Variants in CPNE8 observed in about 807,000 individuals in gnomAD.
CPNE8 encodes copine-8.
In CPNE8, 45 loss-of-function variants were observed where a neutral mutation model predicts 81.5. The observed-to-expected ratio is 0.55, with a 90% CI of 0.44 to 0.71. CPNE8 has a LOEUF of 0.71. CPNE8 is among the 30% of genes least tolerant of loss of function. The probability of loss-of-function intolerance (pLI) is 0.00; values close to 1 mark genes in which losing one functional copy is unlikely to be tolerated. For missense variants in CPNE8, 594 were observed against 672.1 expected (o/e 0.88, Z 1.28); for synonymous variants, 252 against 226.3 (o/e 1.11, Z -1.02).
At chr12:38,717,163 A>G (rs982565122) in intron 13 of CPNE8, among the ~76,000 whole-genome samples, 2 of 152,074 alleles carry the variant, frequency 1.3e-5, no homozygotes, top group African/African-American at 4.8e-5. Context: ...GATGTGGTGA[A>G]AAAGGAACAC....
intron 6 of CPNE8, among the ~76,000 whole-genome samples, chr12:38,817,498 T>C (rs11169666): frequency 0.29 from 43,850 of 151,942 alleles, 8,214 homozygotes; most frequent in Non-Finnish European, 0.41. Flanking sequence ...GAATGGGTGT[T>C]CCCTGGGAGC....
chr12:38,814,006 G>A (rs935544792), intron 6 of CPNE8, among the ~76,000 whole-genome samples: 6 of 152,152 alleles, frequency 3.9e-5, no homozygotes, highest in African/African-American at 1.4e-4. Flanking sequence ...CATGAAGAAT[G>A]AGTTGAAGAG....
chr12:38,866,993 G>A (rs973320467), intron 3 of CPNE8, among the ~76,000 whole-genome samples: 1 of 152,098 alleles, frequency 6.6e-6, no homozygotes, highest in Non-Finnish European at 1.5e-5. Context: ...TGAGTAGCTA[G>A]AATTACAGGT....
chr12:38,716,714 T>C (rs972925948), intron 13 of CPNE8, among the ~76,000 whole-genome samples: 3 of 151,970 alleles, frequency 2.0e-5, no homozygotes, highest in African/African-American at 4.8e-5. Flanking sequence ...AAAAACTCTC[T>C]GGACATTGGC....
At chr12:38,806,560 T>G (rs1047087881) in intron 6 of CPNE8, among the ~76,000 whole-genome samples, 2 of 149,922 alleles carry the variant, frequency 1.3e-5, no homozygotes, top group Non-Finnish European at 3.0e-5. Context: ...CAACCCTTCA[T>G]GCTAAAAACT....
chr12:38,750,798 C>A lies in CPNE8; in HGVS notation c.722+10049G>T, dbSNP rs1321021177. Among the ~76,000 whole-genome samples, 3 of 152,226 alleles carry A rather than the reference C, an allele frequency of 2.0e-5. No homozygotes were observed. In the East Asian group the frequency reaches 5.8e-4, roughly 29 times the overall value. On this transcript the variant is annotated intron_variant, in intron 10 of 19. Transcript: ENST00000331366. Reference sequence around the variant, plus strand: ...TGGACTGTGGACTTTTGAGTTAATGCTGAAATGAGTGAAGACTTTGGGGGA... The same window carrying A: ...TGGACTGTGGACTTTTGAGTTAATGATGAAATGAGTGAAGACTTTGGGGGA...
chr12:38,881,796 G>C (rs1464958529), intron 1 of CPNE8, among the ~76,000 whole-genome samples: 2 of 152,152 alleles, frequency 1.3e-5, no homozygotes, highest in Non-Finnish European at 2.9e-5. Context: ...CTACGGGTTT[G>C]AAGTAATGGA....
At chr12:38,678,832 A>G (rs1939347779) in intron 16 of CPNE8, among the ~76,000 whole-genome samples, 1 of 151,904 alleles carries the variant, frequency 6.6e-6, no homozygotes, top group South Asian at 2.1e-4. Context: ...AACAGGTTCC[A>G]CAATGTACTA....
At chr12:38,877,415 A>G (rs1944083042) in intron 1 of CPNE8, among the ~76,000 whole-genome samples, 1 of 151,980 alleles carries the variant, frequency 6.6e-6, no homozygotes, top group Non-Finnish European at 1.5e-5. Flanking sequence ...TCTTCCCTCC[A>G]TGGACTTGTC....
intron 6 of CPNE8, among the ~76,000 whole-genome samples, chr12:38,807,107 C>A (rs11537523): frequency 0.089 from 13,463 of 151,980 alleles, 743 homozygotes; most frequent in East Asian, 0.31. Context: ...AAAGAGGACA[C>A]AAACAAATGG....
At chr12:38,798,264 G>C (rs1361596368) in intron 6 of CPNE8, among the ~76,000 whole-genome samples, 3 of 152,070 alleles carry the variant, frequency 2.0e-5, no homozygotes, top group Non-Finnish European at 4.4e-5. Flanking sequence ...CACCAAAGTT[G>C]AAATGAAGGA....
Position 38,653,790 on chromosome 12 carries a change from A to G in CPNE8, c.*92T>C, listed in dbSNP as rs1313331385. 6.9e-7 allele frequency: 1 copy of G among 1,455,882 alleles called. No homozygotes were observed. Among genetic ancestry groups the G allele is most frequent in the Non-Finnish European group, 9.0e-7 (1 of 1,107,030 alleles). 90.2% of individuals were successfully genotyped at this position (1,455,882 alleles called of 1,614,324 possible). A position where few individuals can be genotyped will look rare whatever the true frequency, so the allele number is the denominator to read the frequency against. ...CTGCTGAAACCAAACTGAGAAAACT[A>G]TCTCATTGCCTGGTTCATTACAGAG... On this transcript the variant is annotated 3_prime_UTR_variant, in exon 20 of 20. Coordinates refer to ENST00000331366, the MANE Select transcript of CPNE8 (RefSeq NM_153634.3).
intron 5 of CPNE8, among the ~76,000 whole-genome samples, chr12:38,839,178 TA>T (rs763844751): frequency 3.9e-5 from 6 of 152,104 alleles, no homozygotes; most frequent in Non-Finnish European, 7.4e-5. Context: ...GGGGGTGGCC[TA>T]ATTCCAATTT....
chr12:38,712,915 TGATGACAACAATAC>T (rs1940296818), intron 13 of CPNE8, among the ~76,000 whole-genome samples: 1 of 152,164 alleles, frequency 6.6e-6, no homozygotes, highest in African/African-American at 2.4e-5. Context: ...TACAACAATA[TGATGACAACAATAC>T]GATGAGCTTA....
intron 8 of CPNE8, among the ~76,000 whole-genome samples, chr12:38,762,939 A>C (rs958657536): frequency 6.6e-6 from 1 of 152,054 alleles, no homozygotes; most frequent in Non-Finnish European, 1.5e-5. Context: ...GCTCACTGCA[A>C]CCTCTGCCGC....
intron 1 of CPNE8, among the ~76,000 whole-genome samples, chr12:38,889,440 A>T (rs1944280437): frequency 2.6e-5 from 4 of 152,140 alleles, no homozygotes; most frequent in Admixed American, 2.6e-4. Flanking sequence ...TTTTCTCAGG[A>T]AACACAGGTG....
At chr12:38,788,784 A>G (rs999639062) in intron 6 of CPNE8, among the ~76,000 whole-genome samples, 2 of 151,936 alleles carry the variant, frequency 1.3e-5, no homozygotes, top group African/African-American at 4.8e-5. Context: ...AAATCAACGT[A>G]AAAATCAGTA....
chr12:38,806,489 C>A (rs746360931), intron 6 of CPNE8, among the ~76,000 whole-genome samples: 1 of 150,090 alleles, frequency 6.7e-6, no homozygotes, highest in African/African-American at 2.4e-5. Flanking sequence ...TAAACACAAC[C>A]AAAGACAAAA....
chr12:38,747,009 A>C (rs1028502722), intron 10 of CPNE8, among the ~76,000 whole-genome samples: 1 of 152,212 alleles, frequency 6.6e-6, no homozygotes, highest in Admixed American at 6.5e-5. Flanking sequence ...GCCACCTCAG[A>C]TCAGGCACAC....
Sources: allele counts gnomAD v4.1 joint callset (sites outside exome capture counted in the v4.1 genomes callset), GRCh38; gene constraint gnomAD v4.1.1; transcripts MANE v1.5; gene names NCBI Gene and HGNC (gene_info 2026-07-23, HGNC 2026-07-21).